The following TOM1L1 variants were observed in gnomAD, a reference collection of about 807,000 sequenced individuals.
TOM1L1 encodes the protein target of myb1 like 1 membrane trafficking protein.
A neutral mutation model predicts 63.4 loss-of-function variants in TOM1L1; 64 were observed. The ratio of observed to expected loss-of-function variants is 1.01; its 90% CI spans 0.83 to 1.24. The LOEUF (loss-of-function observed/expected upper bound fraction) is 1.24, where lower values mean the gene tolerates loss of function less well. Among genes scored for constraint, TOM1L1 ranks in the 50% most tolerant of loss-of-function variants. The probability of loss-of-function intolerance (pLI) is 0.00; values close to 1 mark genes in which losing one functional copy is unlikely to be tolerated. For missense variants in TOM1L1, 536 were observed against 567.0 expected (o/e 0.95, Z 0.55); for synonymous variants, 166 against 194.4 (o/e 0.85, Z 1.22).
intron 11 of TOM1L1, among the ~76,000 whole-genome samples, chr17:54,940,797 G>GA (rs142504083): frequency 0.049 from 7,451 of 152,068 alleles, 648 homozygotes; most frequent in African/African-American, 0.17. Flanking sequence ...ATACAGGAAG[G>GA]AAAAAACTGA....
intron 3 of TOM1L1, among the ~76,000 whole-genome samples, chr17:54,908,075 C>T (rs911478927): frequency 3.3e-5 from 5 of 152,102 alleles, no homozygotes; most frequent in African/African-American, 4.8e-5. Context: ...CTAATCTGCT[C>T]GCTGCCTTTC....
At chr17:54,949,728 C>T (rs922124807) in intron 13 of TOM1L1, 105 bp downstream of exon 13, 53 of 980,710 alleles carry the variant, frequency 5.4e-5, no homozygotes, top group Admixed American at 8.5e-5. Flanking sequence ...TAGAGATGCT[C>T]TTTTGTATTT....
At chr17:54,941,219 G>T (rs181853484) in intron 11 of TOM1L1, among the ~76,000 whole-genome samples, 17 of 152,308 alleles carry the variant, frequency 1.1e-4, no homozygotes, top group African/African-American at 4.1e-4. Flanking sequence ...GTTTGTATCA[G>T]TGGATTTAGA....
rs1305264539 is a variant in TOM1L1, at chr17:54,937,219, A to G, written c.1026A>G (p.Ser342=). ...TCAACACCATGAATAATCAACTTTC[A>G]GGCTTAAGTAAATAAACACTCAGGT... The part of the protein sequence containing the change: ...GELNTMNNQL[S]GLNFSLPSSD... The change falls in exon 10 of 16, where the codon TCA becomes TCG. Residue 342 remains serine (S), a synonymous_variant. Coordinates refer to ENST00000575882, the MANE Select transcript of TOM1L1 (RefSeq NM_005486.3). The G allele has an allele frequency of 1.2e-6, 2 of 1,609,728 alleles. No homozygotes were observed. Among genetic ancestry groups the G allele is most frequent in the Admixed American group, 1.7e-5 (1 of 59,990 alleles).
chr17:54,938,420 G>C (rs925985049), intron 10 of TOM1L1, among the ~76,000 whole-genome samples: 2 of 150,692 alleles, frequency 1.3e-5, no homozygotes. Flanking sequence ...CTTGAACTCA[G>C]GAGGTGGAGG....
At chr17:54,922,214 A>C (rs1233479176) in intron 7 of TOM1L1, among the ~76,000 whole-genome samples, 1 of 151,712 alleles carries the variant, frequency 6.6e-6, no homozygotes, top group African/African-American at 2.4e-5. Context: ...AATGGTGTGA[A>C]CCCAGGAGGC....
At chr17:54,902,394 C>T (rs145832974) in intron 1 of TOM1L1, among the ~76,000 whole-genome samples, 4 of 152,058 alleles carry the variant, frequency 2.6e-5, no homozygotes, top group African/African-American at 9.7e-5. Context: ...GGTTCAAGCA[C>T]TTCTCCTTCC....
chr17:54,909,597 G>T lies in TOM1L1; in HGVS notation c.223-3069G>T, dbSNP rs1306270570. Among the ~76,000 whole-genome samples, 32 of 152,194 alleles carry T rather than the reference G, an allele frequency of 2.1e-4. 2 individuals carry two copies. Among genetic ancestry groups the T allele is most frequent in the Admixed American group, 2.1e-3 (32 of 15,290 alleles). On this transcript the variant is annotated intron_variant, in intron 3 of 15. Coordinates refer to ENST00000575882, the MANE Select transcript of TOM1L1 (RefSeq NM_005486.3). Reference sequence around the variant, plus strand: ...GATCTAAATAGTTGCCATGTATTGAGGTCCTGCTTTGTGGCAGGCTCTTTG... The same window carrying T: ...GATCTAAATAGTTGCCATGTATTGATGTCCTGCTTTGTGGCAGGCTCTTTG...
chr17:54,908,732 A>G (rs1262156736), intron 3 of TOM1L1, among the ~76,000 whole-genome samples: 12 of 152,118 alleles, frequency 7.9e-5, no homozygotes, highest in Non-Finnish European at 1.6e-4. Context: ...TCTGAGCCAG[A>G]GAGTATTCTG....
At chr17:54,937,061 C>A in intron 9 of TOM1L1, 48 bp from the exon 10 acceptor site, 1 of 1,442,026 alleles carries the variant, frequency 6.9e-7, no homozygotes, top group Non-Finnish European at 9.7e-7. Context: ...GGGGAGAAAG[C>A]TGTGATAAAC....
At chr17:54,950,662 C>CT (rs948010868) in intron 14 of TOM1L1, among the ~76,000 whole-genome samples, 5 of 152,080 alleles carry the variant, frequency 3.3e-5, no homozygotes, top group African/African-American at 1.2e-4. Context: ...CTTTAATATA[C>CT]TTTGAGTGAC....
At chr17:54,936,524 A>G (rs893891953) in intron 8 of TOM1L1, 125 bp from the exon 9 acceptor site, 3 of 774,786 alleles carry the variant, frequency 3.9e-6, no homozygotes, top group Non-Finnish European at 6.2e-6. Flanking sequence ...TATTTTACTG[A>G]TAATTGTGTG....
Position 54,930,183 on chromosome 17 carries a change from T to A in TOM1L1, c.831T>A (p.Asn277Lys), listed in dbSNP as rs2048835276. 2 of 1,614,146 alleles carry A rather than the reference T, an allele frequency of 1.2e-6. No individual in the cohort carries two copies. The change falls in exon 8 of 16, where the codon AAT (asparagine) becomes AAA (lysine). Residue 277 changes from asparagine to lysine, a missense_variant. Transcript: ENST00000575882. ...VELIQVNEDL[N>K]NAILGYERFT... is the part of the protein sequence containing the mutation. ...TAATTCAGGTGAATGAGGATTTGAA[T>A]AATGCTATCCTTGGATATGAGAGGT...
chr17:54,919,119 T>G (rs929866857), intron 7 of TOM1L1, among the ~76,000 whole-genome samples: 4 of 152,324 alleles, frequency 2.6e-5, no homozygotes, highest in Non-Finnish European at 4.4e-5. Flanking sequence ...ATTAAATATA[T>G]CCTCTTTATG....
rs543177565 is a variant in TOM1L1, at chr17:54,938,367, G to A, written c.1034-557G>A. Reference sequence around the variant, plus strand: ...AAATTAGCCGGGAGTGGTGGTGGGCGCCTATAATCCCAGCTACTCAGGAGG... The same window carrying A: ...AAATTAGCCGGGAGTGGTGGTGGGCACCTATAATCCCAGCTACTCAGGAGG... On this transcript the variant is annotated intron_variant, in intron 10 of 15. Coordinates refer to ENST00000575882, the MANE Select transcript of TOM1L1 (RefSeq NM_005486.3). Among the ~76,000 whole-genome samples, 7 of 151,824 alleles carry A rather than the reference G, an allele frequency of 4.6e-5. No individual in the cohort carries two copies. In the South Asian group the frequency reaches 1.3e-3, roughly 27 times the overall value.
chr17:54,913,948 C>T, intron 5 of TOM1L1, 75 bp downstream of exon 5: 2 of 1,470,194 alleles, frequency 1.4e-6, no homozygotes, highest in Non-Finnish European at 1.8e-6. Flanking sequence ...CAGGAGACAA[C>T]CCTAAATCCA....
At chr17:54,901,250 G>A in intron 1 of TOM1L1, 1 of 408,466 alleles carries the variant, frequency 2.4e-6, no homozygotes, top group Non-Finnish European at 4.5e-6. Context: ...TTCTCGGTAG[G>A]GGAAGTTATT....
intron 13 of TOM1L1, 54 bp from the exon 14 acceptor site, chr17:54,949,991 C>A: frequency 7.5e-7 from 1 of 1,338,058 alleles, no homozygotes; most frequent in Non-Finnish European, 1.1e-6. Context: ...ATATCAATTG[C>A]GTGTACTCCT....
intron 3 of TOM1L1, among the ~76,000 whole-genome samples, chr17:54,911,457 C>T (rs564737159): frequency 1.3e-5 from 2 of 152,206 alleles, no homozygotes; most frequent in South Asian, 4.2e-4. Flanking sequence ...ACTTAAATGC[C>T]CCTTATCTTT....
Sources: allele counts gnomAD v4.1 joint callset (sites outside exome capture counted in the v4.1 genomes callset), GRCh38; gene constraint gnomAD v4.1.1; transcripts MANE v1.5; gene names NCBI Gene and HGNC (gene_info 2026-07-23, HGNC 2026-07-21).